Variants in ADGRD1 observed in about 807,000 individuals in gnomAD.
The protein encoded by ADGRD1 is adhesion G protein-coupled receptor D1, also known as G-protein coupled receptor 133.
A neutral mutation model predicts 113.4 loss-of-function variants in ADGRD1; 77 were observed. The observed-to-expected ratio is 0.68, with a 90% CI of 0.57 to 0.82. ADGRD1 has a LOEUF of 0.82. ADGRD1 is among the 40% of genes least tolerant of loss of function. The probability of loss-of-function intolerance (pLI) is 0.00; values close to 1 mark genes in which losing one functional copy is unlikely to be tolerated. For missense variants in ADGRD1, 1,036 were observed against 1,139.1 expected (o/e 0.91, Z 1.30); for synonymous variants, 474 against 475.0 (o/e 1.00, Z 0.03).
chr12:131,103,125 T>G (rs991880298), intron 15 of ADGRD1, among the ~76,000 whole-genome samples: 1 of 152,186 alleles, frequency 6.6e-6, no homozygotes, highest in African/African-American at 2.4e-5. Flanking sequence ...CCTGGGAAAT[T>G]GGAAGTTGTG....
At chr12:131,097,544 C>A (rs1172063812) in intron 15 of ADGRD1, among the ~76,000 whole-genome samples, 1 of 152,228 alleles carries the variant, frequency 6.6e-6, no homozygotes, top group African/African-American at 2.4e-5. Context: ...GCTGCTGGCA[C>A]ATGCTACGGC....
chr12:131,115,109 G>A (rs1050736529), intron 18 of ADGRD1, among the ~76,000 whole-genome samples: 1 of 152,186 alleles, frequency 6.6e-6, no homozygotes, highest in South Asian at 2.1e-4. Context: ...CGTCAGGGTA[G>A]GCGGGCAAGG....
chr12:131,017,307 CCAGTCCACACACACCCAGTGCACA>C (rs1208023723), intron 13 of ADGRD1, among the ~76,000 whole-genome samples: 5 of 131,416 alleles, frequency 3.8e-5, no homozygotes, highest in East Asian at 2.4e-4. Flanking sequence ...CCACACACAC[CCAGTCCACACACACCCAGTGCACA>C]CAGTCCACAC....
chr12:130,968,728 C>T (rs533542695), intron 3 of ADGRD1: 300 of 507,856 alleles, frequency 5.9e-4, no homozygotes, highest in Non-Finnish European at 9.0e-4. Flanking sequence ...CTATCGCTTG[C>T]GGCCAAATTC....
At chr12:130,983,099 G>A (rs553380244) in intron 5 of ADGRD1, among the ~76,000 whole-genome samples, 67 of 152,334 alleles carry the variant, frequency 4.4e-4, no homozygotes, top group African/African-American at 1.6e-3. Context: ...GTTGGTAGTT[G>A]TGTGAACCTG....
At chr12:130,955,793 T>TA (rs11419613) in intron 2 of ADGRD1, among the ~76,000 whole-genome samples, 4 of 152,000 alleles carry the variant, frequency 2.6e-5, no homozygotes, top group Non-Finnish European at 4.4e-5. Flanking sequence ...TTTTTGTTTT[T>TA]ATTTTTTGAG....
intron 13 of ADGRD1, among the ~76,000 whole-genome samples, chr12:131,029,368 C>T (rs1002428052): frequency 2.6e-5 from 4 of 152,234 alleles, no homozygotes; most frequent in African/African-American, 9.6e-5. Context: ...TGGGATCACA[C>T]TGGATACATG....
chr12:131,120,936 C>G, intron 20 of ADGRD1, 23 bp downstream of exon 20: 2 of 1,609,244 alleles, frequency 1.2e-6, no homozygotes, highest in Non-Finnish European at 1.7e-6. Flanking sequence ...CCCTTGTGGG[C>G]GCAGAGCGGG....
intron 5 of ADGRD1, among the ~76,000 whole-genome samples, chr12:130,982,597 A>C (rs1348994793): frequency 6.6e-6 from 1 of 152,124 alleles, no homozygotes; most frequent in African/African-American, 2.4e-5. Context: ...TGACGAGAAG[A>C]AGCTTTTGGA....
chr12:130,958,877 G>A (rs1405786312), intron 2 of ADGRD1, among the ~76,000 whole-genome samples: 2 of 148,814 alleles, frequency 1.3e-5, no homozygotes, highest in East Asian at 3.8e-4. Context: ...CCTTGCGAGA[G>A]CCCTGCGGTG....
intron 13 of ADGRD1, among the ~76,000 whole-genome samples, chr12:131,055,700 C>G (rs913651075): frequency 1.3e-5 from 2 of 152,130 alleles, no homozygotes; most frequent in African/African-American, 4.8e-5. Flanking sequence ...GCATAGCAAA[C>G]AAGGGAAACT....
intron 13 of ADGRD1, chr12:131,023,194 C>T (rs527944985): frequency 6.6e-6 from 1 of 152,354 alleles, no homozygotes; most frequent in African/African-American, 2.4e-5. Context: ...AGTTAAGATA[C>T]CATTTCTCTG....
At chr12:130,970,497 T>C (rs1871487223) in intron 3 of ADGRD1, 1 of 152,212 alleles carries the variant, frequency 6.6e-6, no homozygotes, top group Non-Finnish European at 1.5e-5. Flanking sequence ...TGTGACAATA[T>C]AGCTGGAAAG....
intron 6 of ADGRD1, 61 bp from the exon 7 acceptor site, chr12:130,990,953 C>A: frequency 7.5e-7 from 1 of 1,328,692 alleles, no homozygotes; most frequent in Non-Finnish European, 1.1e-6. Context: ...AAGGACAGGT[C>A]TTCCTCGTGG....
Position 130,984,750 on chromosome 12 carries a change from T to C in ADGRD1, c.491-2345T>C, listed in dbSNP as rs1328573969. Among the ~76,000 whole-genome samples, 4 of 152,008 alleles carry C rather than the reference T, an allele frequency of 2.6e-5. No homozygotes were observed. The East Asian group carries it at 5.8e-4, about 22-fold the overall frequency. On this transcript the variant is annotated intron_variant, in intron 5 of 24. Coordinates refer to ENST00000261654, the MANE Select transcript of ADGRD1 (RefSeq NM_198827.5). The surrounding 1 kb of genome is among the most constrained non-coding windows in gnomAD (Gnocchi z 4.1). ...TAAAAATTGGATTGTTTTTCTTTCTTTTTTCCTTCCTCCCTTTCTTCTTCC... is the reference window on the plus strand; with the variant it reads ...TAAAAATTGGATTGTTTTTCTTTCTCTTTTCCTTCCTCCCTTTCTTCTTCC...
intron 13 of ADGRD1, among the ~76,000 whole-genome samples, chr12:131,052,836 G>T (rs1046197413): frequency 1.3e-5 from 2 of 152,204 alleles, no homozygotes; most frequent in Non-Finnish European, 2.9e-5. Flanking sequence ...CTCTGGAGGG[G>T]TGAGGACCCT....
Position 131,014,242 on chromosome 12 carries a change from A to G in ADGRD1, c.1375A>G (p.Thr459Ala). 1.2e-6 allele frequency: 2 copies of G among 1,614,166 alleles called. No individual in the cohort carries two copies. Among genetic ancestry groups the G allele is most frequent in the Non-Finnish European group, 8.5e-7 (1 of 1,180,002 alleles). The change falls in exon 13 of 25, where the codon ACC becomes GCC. Residue 459 changes from threonine (T) to alanine (A), a missense_variant. Transcript: ENST00000261654. ...MHHQDCLLFA[T>A]SHLISLEVSP... ...TCACCAGGACTGCCTGCTGTTCGCC[A>G]CCAGCCACCTGATTTCCCTGGAGGT...
intron 13 of ADGRD1, among the ~76,000 whole-genome samples, chr12:131,032,480 G>A (rs943222738): frequency 1.3e-5 from 2 of 151,982 alleles, no homozygotes; most frequent in African/African-American, 2.4e-5. Flanking sequence ...CCTTTTCCCC[G>A]AGTGTTCTTG....
intron 7 of ADGRD1, among the ~76,000 whole-genome samples, chr12:130,991,562 T>C (rs937171277): frequency 6.6e-6 from 1 of 152,182 alleles, no homozygotes. Flanking sequence ...CACTTATTTT[T>C]GAGTAAGCCT....
Sources: gnomAD v4.1 joint callset for allele counts (sites outside exome capture counted in the v4.1 genomes callset) on GRCh38, gnomAD v4.1.1 for gene constraint, Gnocchi (gnomAD v3.1) non-coding constraint, MANE v1.5 for transcripts, NCBI Gene and HGNC (gene_info 2026-07-23, HGNC 2026-07-21) for gene names.